The following BEAN1 variants were observed in gnomAD, a reference collection of about 807,000 sequenced individuals.
The protein encoded by BEAN1 is protein BEAN1.
A neutral mutation model predicts 17.7 loss-of-function variants in BEAN1; 17 were observed. The observed-to-expected ratio is 0.96, with a 90% CI of 0.66 to 1.44. The LOEUF is 1.44. Among genes scored for constraint, BEAN1 ranks in the 40% most tolerant of loss-of-function variants. BEAN1 has a pLI of 0.00. For synonymous variants in BEAN1, 142 were observed against 151.8 expected (o/e 0.94, Z 0.47); for missense variants, 359 against 374.1 (o/e 0.96, Z 0.33).
chr16:66,451,860 G>A (rs138324553), intron 2 of BEAN1, among the ~76,000 whole-genome samples: 8 of 152,272 alleles, frequency 5.3e-5, no homozygotes, highest in Admixed American at 2.0e-4. Context: ...AAAGGAACTC[G>A]GGACTTTGGC....
At chr16:66,484,495 G>A (rs1033698190), downstream of BEAN1, 14 of 429,162 alleles carry the variant, frequency 3.3e-5, no homozygotes, top group East Asian at 7.0e-5. This position sits in a 1 kb window ranked among gnomAD's most constrained non-coding sequence, Gnocchi z 4.2. Context: ...AGGAGATGCC[G>A]CCTGTCTGTG....
At chr16:66,467,351 G>T (rs910432377) in intron 2 of BEAN1, among the ~76,000 whole-genome samples, 2 of 152,154 alleles carry the variant, frequency 1.3e-5, no homozygotes, top group Admixed American at 1.3e-4. Flanking sequence ...GTTCCAGATG[G>T]CTGGAGAGGC....
At position 66,477,680 on chromosome 16, in the gene BEAN1, T is replaced by C; in HGVS notation, c.410T>C (p.Leu137Pro). The change falls in exon 4 of 5, where the codon CTC (leucine) becomes CCC (proline). Residue 137 changes from leucine (L) to proline (P), a missense_variant. Physicochemically the swap from Leu to Pro is moderately conservative, Grantham distance 98. Transcript: ENST00000536005. ...SSDGDVDATVLRELYPDSPPG... is the reference protein window; with the variant it reads ...SSDGDVDATVPRELYPDSPPG... ...GACGGGGACGTGGATGCCACGGTGC[T>C]CAGGGAGCTGTACCCAGATTCTCCA... The C allele has an allele frequency of 1.3e-6, 2 of 1,550,064 alleles. No homozygotes were observed. Among genetic ancestry groups the C allele is most frequent in the Non-Finnish European group, 1.7e-6 (2 of 1,146,284 alleles).
At chr16:66,442,678 A>G (rs1299856585) in intron 2 of BEAN1, among the ~76,000 whole-genome samples, 1 of 151,946 alleles carries the variant, frequency 6.6e-6, no homozygotes, top group African/African-American at 2.4e-5. Context: ...ATTTCTAAAA[A>G]CCTCAATTTG....
chr16:66,467,156 A>C (rs1963284823), intron 2 of BEAN1, among the ~76,000 whole-genome samples: 1 of 152,216 alleles, frequency 6.6e-6, no homozygotes, highest in African/African-American at 2.4e-5. Flanking sequence ...CAATAACATC[A>C]AGGCTGACAT....
chr16:66,440,223 A>G lies in BEAN1; in HGVS notation c.25+2522A>G, dbSNP rs1385893146. Among the ~76,000 whole-genome samples, 4 of 139,276 alleles carry G rather than the reference A, an allele frequency of 2.9e-5. No homozygotes were observed. In the East Asian group the frequency reaches 8.5e-4, roughly 30 times the overall value. The allele number at this position is 139,276 out of a possible 152,430, so 91.4% of individuals were successfully genotyped here. On this transcript the variant is annotated intron_variant, in intron 2 of 4. Transcript: ENST00000536005. The stretch of plus-strand genomic sequence containing the variant: ...CAGCTCACTGCAGGCTCCGCCTCCC[A>G]GGTTCAAGCGATTCTCCTGACTCAG...
intron 2 of BEAN1, among the ~76,000 whole-genome samples, chr16:66,456,992 T>C (rs1962893371): frequency 6.6e-6 from 1 of 152,222 alleles, no homozygotes; most frequent in African/African-American, 2.4e-5. Flanking sequence ...GAAAAGCTTC[T>C]ATTTGGCAGT....
At chr16:66,445,733 C>T (rs1384185701) in intron 2 of BEAN1, among the ~76,000 whole-genome samples, 1 of 151,944 alleles carries the variant, frequency 6.6e-6, no homozygotes, top group Non-Finnish European at 1.5e-5. Context: ...GCAGTAGGGA[C>T]CAGATGATGT....
intron 4 of BEAN1, among the ~76,000 whole-genome samples, chr16:66,489,634 A>G (rs1964137806): frequency 6.6e-6 from 1 of 152,182 alleles, no homozygotes; most frequent in Non-Finnish European, 1.5e-5. Context: ...CTACCAAGAC[A>G]GTTGTGGATA....
chr16:66,494,149 A>G (rs961598591), downstream of BEAN1, among the ~76,000 whole-genome samples: 1 of 152,180 alleles, frequency 6.6e-6, no homozygotes, highest in African/African-American at 2.4e-5. Flanking sequence ...GAATAAGCAA[A>G]TAGCTCTCAC....
At chr16:66,487,784 G>GC (rs983210903), downstream of BEAN1, among the ~76,000 whole-genome samples, 1 of 152,200 alleles carries the variant, frequency 6.6e-6, no homozygotes, top group African/African-American at 2.4e-5. Flanking sequence ...GGACCCCCAT[G>GC]CCCCATCAGC....
chr16:66,490,475 C>G (rs533592213), intron 4 of BEAN1, among the ~76,000 whole-genome samples: 19 of 93,122 alleles, frequency 2.0e-4, no homozygotes, highest in Admixed American at 7.9e-4. Flanking sequence ...AAAGAAACCT[C>G]TAAATTGATT....
chr16:66,469,753 C>T lies in BEAN1; in HGVS notation c.177C>T (p.Ile59=), dbSNP rs1386165342. 15 of 1,536,170 alleles carry T rather than the reference C, an allele frequency of 9.8e-6. No individual in the cohort carries two copies. In the East Asian group the frequency reaches 3.7e-4, roughly 38 times the overall value. The change falls in exon 3 of 5, where the codon ATC becomes ATT. Residue 59 remains isoleucine (I), a synonymous_variant. Transcript: ENST00000536005. ...LSCITIIVGS[I]RRDRQARLQR... ...GCATCACCATCATTGTGGGCAGCAT[C>T]CGCAGGGACAGGCAGGCCCGGCTTC...
At chr16:66,451,480 T>C (rs1360933791) in intron 2 of BEAN1, 1 of 152,278 alleles carries the variant, frequency 6.6e-6, no homozygotes, top group African/African-American at 2.4e-5. Context: ...AAATGGTTAG[T>C]ATCTTCTGTG....
chr16:66,493,949 G>A (rs893438370), downstream of BEAN1, among the ~76,000 whole-genome samples: 2 of 152,192 alleles, frequency 1.3e-5, no homozygotes, highest in Admixed American at 6.5e-5. Flanking sequence ...GAGCCAACTG[G>A]TGATGACGGC....
intron 2 of BEAN1, among the ~76,000 whole-genome samples, chr16:66,457,707 C>T (rs72788583): frequency 1.3e-5 from 2 of 152,190 alleles, no homozygotes; most frequent in Middle Eastern, 3.4e-3. Flanking sequence ...CCTGGCCTGT[C>T]CCCAGACCTC....
chr16:66,446,205 A>G lies in BEAN1; in HGVS notation c.25+8504A>G, dbSNP rs113988704. Among the ~76,000 whole-genome samples, 671 of 151,768 alleles carry G rather than the reference A, an allele frequency of 4.4e-3. 3 individuals carry two copies. Among genetic ancestry groups the G allele is most frequent in the African/African-American group, 0.014 (563 of 41,406 alleles). On this transcript the variant is annotated intron_variant, in intron 2 of 4. Coordinates refer to ENST00000536005, the MANE Select transcript of BEAN1 (RefSeq NM_001178020.3). ...GAGTGAGACTCTGTCTAAAAAAAAA[A>G]GGGGGGACAGTGGTCTAGGTGATGA...
intron 3 of BEAN1, among the ~76,000 whole-genome samples, chr16:66,474,956 G>A (rs916201976): frequency 2.6e-5 from 4 of 152,172 alleles, no homozygotes; most frequent in Non-Finnish European, 5.9e-5. Flanking sequence ...GTGTGAGGTA[G>A]ATGAGATCAT....
chr16:66,473,426 C>T lies in BEAN1; in HGVS notation c.289+3561C>T, dbSNP rs1963562757. 6.6e-6 allele frequency among the ~76,000 whole-genome samples: 1 copy of T among 152,202 alleles called. No individual in the cohort carries two copies. Among genetic ancestry groups the T allele is most frequent in the Non-Finnish European group, 1.5e-5 (1 of 68,032 alleles). On this transcript the variant is annotated intron_variant, in intron 3 of 4. Coordinates refer to ENST00000536005, the MANE Select transcript of BEAN1 (RefSeq NM_001178020.3). This position sits in a 1 kb window ranked among gnomAD's most constrained non-coding sequence, Gnocchi z 4.5. ...GGCCTCGGCAGGGAACCCAGAGGTG[C>T]TGTTGCCCCATATCTTCCCCCAGCC...
Sources: gnomAD v4.1 joint callset for allele counts (sites outside exome capture counted in the v4.1 genomes callset) on GRCh38, gnomAD v4.1.1 for gene constraint, Gnocchi (gnomAD v3.1) non-coding constraint, MANE v1.5 for transcripts, NCBI Gene and HGNC (gene_info 2026-07-23, HGNC 2026-07-21) for gene names.